The following TBCD variants were observed in gnomAD, a reference collection of about 807,000 sequenced individuals.
TBCD encodes tubulin folding cofactor D.
Under a neutral mutation model 169.3 loss-of-function variants are expected in TBCD, and 105 were observed. The ratio of observed to expected loss-of-function variants is 0.62; its 90% CI spans 0.53 to 0.73. The LOEUF is 0.73. TBCD is among the 30% of genes least tolerant of loss of function. TBCD has a pLI of 0.00. For synonymous variants in TBCD, 700 were observed against 643.9 expected (o/e 1.09, Z -1.32); for missense variants, 1,444 against 1,600.1 (o/e 0.90, Z 1.66).
intron 12 of TBCD, among the ~76,000 whole-genome samples, chr17:82,813,906 A>G (rs749878695): frequency 6.6e-5 from 10 of 152,188 alleles, no homozygotes; most frequent in Non-Finnish European, 1.3e-4. Context: ...GAGGTGAGGC[A>G]GCCACTGGGC....
At chr17:82,878,601 G>A (rs775060369) in intron 14 of TBCD, among the ~76,000 whole-genome samples, 12 of 152,324 alleles carry the variant, frequency 7.9e-5, no homozygotes, top group South Asian at 2.1e-4. Context: ...CGGGTCCTGC[G>A]TGGTCTGGAC....
intron 17 of TBCD, among the ~76,000 whole-genome samples, chr17:82,896,312 C>A (rs943899635): frequency 1.3e-5 from 2 of 152,188 alleles, no homozygotes; most frequent in Non-Finnish European, 2.9e-5. Context: ...TCTCCACTCA[C>A]CTGGTGAGGG....
intron 12 of TBCD, among the ~76,000 whole-genome samples, chr17:82,812,399 G>C (rs1162687945): frequency 6.6e-6 from 1 of 152,136 alleles, no homozygotes; most frequent in Non-Finnish European, 1.5e-5. Flanking sequence ...TCGAGGTTTT[G>C]GACTGGGTGA....
chr17:82,937,997 G>C (rs745933013), intron 35 of TBCD, 52 bp from the exon 36 acceptor site: 21 of 1,604,174 alleles, frequency 1.3e-5, no homozygotes, highest in African/African-American at 5.3e-5. Context: ...GTTTGCTGGG[G>C]TTGGCCTGCG....
chr17:82,871,072 G>A (rs149896914), intron 14 of TBCD, among the ~76,000 whole-genome samples: 143 of 152,356 alleles, frequency 9.4e-4, no homozygotes, highest in African/African-American at 2.8e-3. Context: ...ACTGAAGCCA[G>A]CAGGTTTCAT....
Position 82,884,132 on chromosome 17 carries a change from C to G in TBCD, c.1476-13C>G, listed in dbSNP as rs760950106. ...AGAATTTCTTTTTAATTAATCCTTT[C>G]TCTTTTTCACAGTGCACTGGTGATT... is the stretch of plus-strand genomic sequence containing the variant. On this transcript the variant is annotated splice_polypyrimidine_tract_variant and intron_variant, in intron 14 of 38. Transcript: ENST00000355528. The surrounding 1 kb of genome is among the most constrained non-coding windows in gnomAD (Gnocchi z 4.2). 1 of 1,601,976 alleles carries G rather than the reference C, an allele frequency of 6.2e-7. No homozygotes were observed. Among genetic ancestry groups the G allele is most frequent in the Admixed American group, 1.7e-5 (1 of 58,280 alleles).
chr17:82,859,512 G>A, intron 13 of TBCD: 1 of 978,554 alleles, frequency 1.0e-6, no homozygotes, highest in Non-Finnish European at 1.2e-6. Context: ...GGGAGATTGG[G>A]CCTTGTGTGT....
chr17:82,830,638 C>T (rs779535859), intron 13 of TBCD: 9 of 1,613,902 alleles, frequency 5.6e-6, no homozygotes, highest in South Asian at 1.1e-5. Flanking sequence ...CTGGGTGTTA[C>T]AGGGGTCCTT....
rs568870887 is a variant in TBCD, at chr17:82,755,281, G to A, written c.185-884G>A. Among the ~76,000 whole-genome samples, 3 of 152,310 alleles carry A rather than the reference G, an allele frequency of 2.0e-5. No individual in the cohort carries two copies. In the South Asian group the frequency reaches 6.2e-4, roughly 32 times the overall value. On this transcript the variant is annotated intron_variant, in intron 1 of 38. Transcript: ENST00000355528. ...GGTTCCAGTTAGCTGGTTTCAGAGAGAATAGATTGTAAATGCTTTTCATCA... is the reference window on the plus strand; with the variant it reads ...GGTTCCAGTTAGCTGGTTTCAGAGAAAATAGATTGTAAATGCTTTTCATCA...
chr17:82,924,763 C>G (rs916622136), intron 26 of TBCD, among the ~76,000 whole-genome samples, 176 bp from the exon 27 acceptor site: 1 of 151,910 alleles, frequency 6.6e-6, no homozygotes, highest in Non-Finnish European at 1.5e-5. Context: ...AAAAAAAATT[C>G]TCTTTCTGAT....
intron 23 of TBCD, among the ~76,000 whole-genome samples, chr17:82,912,534 A>C (rs556564648): frequency 6.6e-6 from 1 of 152,358 alleles, no homozygotes; most frequent in East Asian, 1.9e-4. Context: ...TGTTGTGGAC[A>C]GCCCATCCCA....
chr17:82,870,758 C>T (rs1052245548), intron 14 of TBCD, among the ~76,000 whole-genome samples: 19 of 152,390 alleles, frequency 1.2e-4, no homozygotes, highest in South Asian at 2.1e-4. Flanking sequence ...AAGTGGGGCA[C>T]GGGAATCGCC....
rs1567830806 is a variant in TBCD at position 82,818,490 on chromosome 17, C to CG, written c.1318+3557dup. Among the ~76,000 whole-genome samples the CG allele has an allele frequency of 2.0e-5, 3 of 152,170 alleles. No homozygotes were observed. The East Asian group carries it at 5.8e-4, about 29-fold the overall frequency. ...TATATAAAGCTATAGTTGGGAGCCA[C>CG]GTGTGGTGGCGGTGCCTTTAATCCT... On this transcript the variant is annotated intron_variant, in intron 13 of 38. Transcript: ENST00000355528.
At chr17:82,756,307 A>G (rs1302836530) in intron 2 of TBCD, 92 bp downstream of exon 2, 1 of 1,309,154 alleles carries the variant, frequency 7.6e-7, no homozygotes. Context: ...GTGCTTTGCC[A>G]GGATCAAATG....
At chr17:82,858,940 GC>G (rs1287607849) in intron 13 of TBCD, among the ~76,000 whole-genome samples, 9 of 152,342 alleles carry the variant, frequency 5.9e-5, no homozygotes, top group African/African-American at 1.9e-4. Flanking sequence ...GGCTCTCAGC[GC>G]CTCTGTGGGG....
rs1297649416 is a variant in TBCD at position 82,805,924 on chromosome 17, CAG to C, written c.1001_1002del (p.Gln334ArgfsTer4). 4 of 1,613,428 alleles carry C rather than the reference CAG, an allele frequency of 2.5e-6. No homozygotes were observed. Among genetic ancestry groups the C allele is most frequent in the Non-Finnish European group, 3.4e-6 (4 of 1,179,446 alleles). ...GGCTGCAAATCTGCAGCTCCTCACT[CAG>C]GGTCAGAGTGAGCAGAAGCCACTCA... Reference protein sequence around the residue: ...SLAANLQLLTQGQSEQKPLIL... With the variant: ...SLAANLQLLTXGQSEQKPLIL... On this transcript the variant is annotated frameshift_variant, in exon 10 of 39. Coordinates refer to ENST00000355528, the MANE Select transcript of TBCD (RefSeq NM_005993.5). LOFTEE classifies it high-confidence loss of function.
At position 82,924,015 on chromosome 17, in the gene TBCD, C is replaced by T. The variant is rs942587347; in HGVS notation, c.2260+282C>T. ...CATCACCCAGGCTGGAGTGGTGTGG[C>T]GTGATTCGGCTCACTGCAACCTCTG... On this transcript the variant is annotated intron_variant, in intron 26 of 38. Coordinates refer to ENST00000355528, the MANE Select transcript of TBCD (RefSeq NM_005993.5). 9.9e-5 allele frequency among the ~76,000 whole-genome samples: 15 copies of T among 152,134 alleles called. No homozygotes were observed. The South Asian group carries it at 1.0e-3, about 11-fold the overall frequency.
intron 13 of TBCD, among the ~76,000 whole-genome samples, chr17:82,847,028 A>T (rs565525265): frequency 5.8e-4 from 88 of 152,328 alleles, no homozygotes; most frequent in Admixed American, 1.6e-3. Flanking sequence ...CATTTTCTAC[A>T]GGTGGCCGAG....
At chr17:82,862,806 A>G (rs1172926772) in intron 13 of TBCD, among the ~76,000 whole-genome samples, 1 of 152,026 alleles carries the variant, frequency 6.6e-6, no homozygotes, top group Non-Finnish European at 1.5e-5. Flanking sequence ...TCACCTGTGG[A>G]GTTATGGAAG....
Sources: allele counts gnomAD v4.1 joint callset (sites outside exome capture counted in the v4.1 genomes callset), GRCh38; gene constraint gnomAD v4.1.1; non-coding constraint Gnocchi (gnomAD v3.1); transcripts MANE v1.5; gene names NCBI Gene and HGNC (gene_info 2026-07-23, HGNC 2026-07-21).